Variants in ALDH18A1 observed in about 807,000 individuals in gnomAD.
ALDH18A1 encodes aldehyde dehydrogenase 18 family member A1, also known as delta-1-pyrroline-5-carboxylate synthase.
ALDH18A1 carries 44 observed loss-of-function variants against 88.8 expected under a neutral mutation model. The observed-to-expected ratio is 0.50, with a 90% CI of 0.39 to 0.64. The LOEUF (loss-of-function observed/expected upper bound fraction) is 0.64. Among genes scored for constraint, ALDH18A1 ranks in the 30% least tolerant of loss-of-function variants. The probability of loss-of-function intolerance (pLI) is 0.00; values close to 1 mark genes in which losing one functional copy is unlikely to be tolerated. For synonymous variants in ALDH18A1, 331 were observed against 372.1 expected (o/e 0.89, Z 1.27); for missense variants, 782 against 1,009.5 (o/e 0.77, Z 3.05).
chr10:95,623,190 T>C lies in ALDH18A1; in HGVS notation c.1247-1939A>G, dbSNP rs551234183. Among the ~76,000 whole-genome samples the C allele has an allele frequency of 5.6e-4, 86 of 152,332 alleles. 2 individuals carry two copies. In the South Asian group the frequency reaches 0.017, roughly 31 times the overall value. ...TAAAAAAAAAGTTTTAATTATAGTATATGTTAAATGTTACATCCTAGCTTT... is the reference window on the plus strand; with the variant it reads ...TAAAAAAAAAGTTTTAATTATAGTACATGTTAAATGTTACATCCTAGCTTT... On this transcript the variant is annotated intron_variant, in intron 11 of 17. Transcript: ENST00000371224.
In ALDH18A1 at chr10:95,606,407, A is replaced by T; in HGVS notation, c.*355T>A. ...GTTAAGGATGACTGGCTCTAGTACCAACTAAATGCCAAGGGGGACTGTAAG... is the reference window on the plus strand; with the variant it reads ...GTTAAGGATGACTGGCTCTAGTACCTACTAAATGCCAAGGGGGACTGTAAG... On this transcript the variant is annotated 3_prime_UTR_variant, in exon 18 of 18. Coordinates refer to ENST00000371224, the MANE Select transcript of ALDH18A1 (RefSeq NM_002860.4). 1.7e-6 allele frequency: 2 copies of T among 1,144,386 alleles called. No individual in the cohort carries two copies. The highest frequency in any genetic ancestry group is 2.2e-6 in the Non-Finnish European group (2 of 925,638). 70.9% of individuals were successfully genotyped at this position (1,144,386 alleles called of 1,614,324 possible).
chr10:95,610,131 A>T, intron 17 of ALDH18A1, 66 bp downstream of exon 17: 1 of 1,497,364 alleles, frequency 6.7e-7, no homozygotes, highest in Non-Finnish European at 9.3e-7. Context: ...TCCCACCTCA[A>T]CATACCCCTA....
At chr10:95,611,549 C>A in intron 15 of ALDH18A1, 107 bp from the exon 16 acceptor site, 2 of 1,310,558 alleles carry the variant, frequency 1.5e-6, no homozygotes, top group East Asian at 4.6e-5. Flanking sequence ...CAAAGTGGCT[C>A]CTGTAGCCTC....
At chr10:95,652,462 T>A (rs1027290790) in intron 2 of ALDH18A1, among the ~76,000 whole-genome samples, 1 of 152,236 alleles carries the variant, frequency 6.6e-6, no homozygotes, top group African/African-American at 2.4e-5. Context: ...CCGGGCACAG[T>A]GGCTAACGCC....
At chr10:95,608,075 G>A (rs1329844392) in intron 17 of ALDH18A1, among the ~76,000 whole-genome samples, 1 of 152,192 alleles carries the variant, frequency 6.6e-6, no homozygotes, top group Non-Finnish European at 1.5e-5. Flanking sequence ...GCATGCTTGC[G>A]ACACATTTAG....
intron 13 of ALDH18A1, 123 bp from the exon 14 acceptor site, chr10:95,614,284 A>T (rs777578031): frequency 1.0e-5 from 11 of 1,102,684 alleles, no homozygotes; most frequent in Non-Finnish European, 1.4e-5. Context: ...CACTGTGAAA[A>T]CTTATTCTAA....
At chr10:95,631,754 A>AG (rs1466607139) in intron 7 of ALDH18A1, among the ~76,000 whole-genome samples, 1 of 151,604 alleles carries the variant, frequency 6.6e-6, no homozygotes, top group African/African-American at 2.4e-5. Context: ...AAAAAAAAAA[A>AG]AAAAAAAAAA....
chr10:95,613,595 C>T (rs1344274110), intron 15 of ALDH18A1, 147 bp downstream of exon 15: 5 of 1,066,130 alleles, frequency 4.7e-6, no homozygotes, highest in Non-Finnish European at 7.0e-6. Context: ...GTGTTTTACT[C>T]ACACTTTACT....
chr10:95,612,599 C>T (rs2097837148), intron 15 of ALDH18A1, among the ~76,000 whole-genome samples: 1 of 152,192 alleles, frequency 6.6e-6, no homozygotes, highest in South Asian at 2.1e-4. Flanking sequence ...GCTTTACTTT[C>T]TGCCATCCAA....
intron 3 of ALDH18A1, among the ~76,000 whole-genome samples, chr10:95,641,400 C>G (rs2097891130): frequency 6.6e-6 from 1 of 151,996 alleles, no homozygotes; most frequent in Non-Finnish European, 1.5e-5. Flanking sequence ...GGCTAGTGCC[C>G]CTCACAGTGT....
intron 2 of ALDH18A1, among the ~76,000 whole-genome samples, chr10:95,647,074 T>C (rs1385221420): frequency 6.6e-6 from 1 of 152,186 alleles, no homozygotes; most frequent in African/African-American, 2.4e-5. Flanking sequence ...TTCCCTCTGC[T>C]ATTCTGCTTA....
chr10:95,643,332 T>A, intron 2 of ALDH18A1, 126 bp from the exon 3 acceptor site: 2 of 942,326 alleles, frequency 2.1e-6, no homozygotes, highest in Non-Finnish European at 3.3e-6. Context: ...ATTAACTGTG[T>A]AAAACTAGCA....
intron 12 of ALDH18A1, among the ~76,000 whole-genome samples, chr10:95,617,148 G>A (rs1313470811): frequency 6.6e-6 from 1 of 152,240 alleles, no homozygotes; most frequent in Non-Finnish European, 1.5e-5. Flanking sequence ...CCAGGAGGCT[G>A]AGGCAAGAGA....
intron 2 of ALDH18A1, among the ~76,000 whole-genome samples, chr10:95,651,792 T>C (rs1328670830): frequency 6.6e-6 from 1 of 152,170 alleles, no homozygotes; most frequent in Non-Finnish European, 1.5e-5. Context: ...CAATTCAATA[T>C]GAGATTTGGT....
Position 95,655,128 on chromosome 10 carries a change from T to TTTA in ALDH18A1, c.-29+1466_-29+1468dup, listed in dbSNP as rs147662060. Among the ~76,000 whole-genome samples the TTTA allele has an allele frequency of 2.0e-3, 264 of 133,846 alleles. 1 individual carries two copies. Among genetic ancestry groups the TTTA allele is most frequent in the East Asian group, 4.4e-3 (22 of 5,018 alleles). The allele number at this position is 133,846 out of a possible 152,430, so 87.8% of individuals were successfully genotyped here. A position where few individuals can be genotyped will look rare whatever the true frequency, so the allele number is the denominator to read the frequency against. The stretch of plus-strand genomic sequence containing the variant: ...CTTGTGGAGAGTTACCCAATTTTTC[T>TTTA]TTATTATTATTATTATTATTATTAT... On this transcript the variant is annotated intron_variant, in intron 1 of 17. Transcript: ENST00000371224.
intron 9 of ALDH18A1, among the ~76,000 whole-genome samples, chr10:95,627,176 C>T (rs1411982371): frequency 6.7e-6 from 1 of 149,426 alleles, no homozygotes; most frequent in East Asian, 1.9e-4. Flanking sequence ...GCTTATTTAG[C>T]ACTTGGCATC....
intron 2 of ALDH18A1, among the ~76,000 whole-genome samples, chr10:95,644,695 C>G (rs2097898144): frequency 1.3e-5 from 2 of 152,212 alleles, no homozygotes; most frequent in South Asian, 4.1e-4. Context: ...CTTTCTTGCT[C>G]AGGTAGACAG....
chr10:95,625,755 GA>G (rs1172189409), intron 10 of ALDH18A1, among the ~76,000 whole-genome samples: 67 of 136,104 alleles, frequency 4.9e-4, no homozygotes, highest in African/African-American at 8.7e-4. Context: ...GGAGTCATAA[GA>G]AAAAAAAAAG....
intron 15 of ALDH18A1, among the ~76,000 whole-genome samples, chr10:95,612,006 C>T (rs972035595): frequency 6.6e-6 from 1 of 151,898 alleles, no homozygotes; most frequent in African/African-American, 2.4e-5. Flanking sequence ...ATGTGCAAGG[C>T]GTTTAGTGGG....
Sources: allele counts gnomAD v4.1 joint callset (sites outside exome capture counted in the v4.1 genomes callset), GRCh38; gene constraint gnomAD v4.1.1; transcripts MANE v1.5; gene names NCBI Gene and HGNC (gene_info 2026-07-23, HGNC 2026-07-21).